The following SH3RF3 variants were observed in gnomAD, a reference collection of about 807,000 sequenced individuals.
The protein encoded by SH3RF3 is SH3 domain containing ring finger 3.
A neutral mutation model predicts 66.3 loss-of-function variants in SH3RF3; 29 were observed. The ratio of observed to expected loss-of-function variants is 0.44; its 90% CI spans 0.33 to 0.60. The LOEUF (loss-of-function observed/expected upper bound fraction) is 0.60, where lower values mean the gene tolerates loss of function less well. Among genes scored for constraint, SH3RF3 ranks in the 20% least tolerant of loss-of-function variants. The pLI is 0.04. For missense variants in SH3RF3, 1,194 were observed against 1,190.9 expected (o/e 1.00, Z -0.04); for synonymous variants, 583 against 532.0 (o/e 1.10, Z -1.32).
chr2:109,248,365 A>G (rs1453280838), intron 1 of SH3RF3, among the ~76,000 whole-genome samples: 1 of 152,048 alleles, frequency 6.6e-6, no homozygotes, highest in Admixed American at 6.5e-5. Flanking sequence ...TGAAAGTTTT[A>G]TGGTTTTGCC....
chr2:109,391,692 C>T (rs1370715837), intron 3 of SH3RF3, among the ~76,000 whole-genome samples: 3 of 152,178 alleles, frequency 2.0e-5, no homozygotes, highest in Non-Finnish European at 4.4e-5. Context: ...TGGCATTGTC[C>T]ACAGGCCTCT....
At chr2:109,206,583 A>T (rs914825937) in intron 1 of SH3RF3, among the ~76,000 whole-genome samples, 2 of 142,188 alleles carry the variant, frequency 1.4e-5, no homozygotes, top group African/African-American at 5.2e-5. Flanking sequence ...TCAAGGAGGG[A>T]GGATAGCTTG....
chr2:109,162,712 C>A (rs528166667), intron 1 of SH3RF3, among the ~76,000 whole-genome samples: 16 of 152,340 alleles, frequency 1.1e-4, no homozygotes, highest in Middle Eastern at 3.4e-3. Flanking sequence ...TTTATAGCTG[C>A]ATGATTTATA....
intron 9 of SH3RF3, among the ~76,000 whole-genome samples, chr2:109,500,117 T>G (rs1679352701): frequency 6.6e-6 from 1 of 152,184 alleles, no homozygotes. Context: ...TCGATTCTTT[T>G]GGCTGCCGTG....
intron 1 of SH3RF3, among the ~76,000 whole-genome samples, chr2:109,154,804 C>T (rs1677300390): frequency 6.6e-6 from 1 of 152,164 alleles, no homozygotes; most frequent in South Asian, 2.1e-4. Flanking sequence ...GTGACACCAA[C>T]CTGCTGCATA....
intron 3 of SH3RF3, among the ~76,000 whole-genome samples, chr2:109,381,080 G>A (rs1174186117): frequency 6.6e-6 from 1 of 152,208 alleles, no homozygotes; most frequent in African/African-American, 2.4e-5. Flanking sequence ...TCTACCAAGT[G>A]GTCTACCACT....
At chr2:109,489,547 A>G (rs1338926403) in intron 8 of SH3RF3, among the ~76,000 whole-genome samples, 1 of 152,214 alleles carries the variant, frequency 6.6e-6, no homozygotes, top group Non-Finnish European at 1.5e-5. Context: ...CTCTACACAG[A>G]CAATGACGTT....
Position 109,443,986 on chromosome 2 carries a change from T to C in SH3RF3, c.1829-5184T>C, listed in dbSNP as rs371016409. Among the ~76,000 whole-genome samples the C allele has an allele frequency of 1.6e-3, 237 of 152,336 alleles. 1 individual carries two copies. The highest frequency in any genetic ancestry group is 5.6e-3 in the African/African-American group (232 of 41,584). Reference sequence around the variant, plus strand: ...ACATTTACTGAGATAGATTATGTACTGGGCCATGATATTTTTAAGTTTCAG... The same window carrying C: ...ACATTTACTGAGATAGATTATGTACCGGGCCATGATATTTTTAAGTTTCAG... On this transcript the variant is annotated intron_variant, in intron 7 of 9. Coordinates refer to ENST00000309415, the MANE Select transcript of SH3RF3 (RefSeq NM_001099289.3).
chr2:109,339,285 G>A (rs1381942364), intron 1 of SH3RF3, among the ~76,000 whole-genome samples: 1 of 151,960 alleles, frequency 6.6e-6, no homozygotes, highest in Non-Finnish European at 1.5e-5. Context: ...TTTTTTGGGG[G>A]GGTGGGGGGT....
At chr2:109,383,131 G>A (rs938169519) in intron 3 of SH3RF3, among the ~76,000 whole-genome samples, 2 of 152,268 alleles carry the variant, frequency 1.3e-5, no homozygotes, top group African/African-American at 2.4e-5. Context: ...GACCTTGTGA[G>A]TGCTTGCAGC....
At chr2:109,212,828 G>T (rs1021824218) in intron 1 of SH3RF3, among the ~76,000 whole-genome samples, 1 of 152,194 alleles carries the variant, frequency 6.6e-6, no homozygotes, top group African/African-American at 2.4e-5. Flanking sequence ...CTGGTGAGCT[G>T]GTGTGGGGTA....
chr2:109,223,526 G>A (rs1275770417), intron 1 of SH3RF3, among the ~76,000 whole-genome samples: 2 of 152,234 alleles, frequency 1.3e-5, no homozygotes, highest in African/African-American at 2.4e-5. Context: ...CAGAATGGAA[G>A]CGTAGGAAGG....
chr2:109,393,587 C>T (rs907489168), intron 3 of SH3RF3, among the ~76,000 whole-genome samples: 24 of 152,138 alleles, frequency 1.6e-4, no homozygotes, highest in African/African-American at 5.8e-4. Context: ...CATGTGTTGC[C>T]TTCTTGTTAA....
At chr2:109,184,089 C>T (rs773701059) in intron 1 of SH3RF3, among the ~76,000 whole-genome samples, 1 of 152,154 alleles carries the variant, frequency 6.6e-6, no homozygotes, top group Non-Finnish European at 1.5e-5. Context: ...GGTGTTGAGC[C>T]CATGTGGTGG....
At chr2:109,173,296 G>GC (rs1677831424) in intron 1 of SH3RF3, among the ~76,000 whole-genome samples, 3 of 152,176 alleles carry the variant, frequency 2.0e-5, no homozygotes, top group Admixed American at 2.0e-4. Flanking sequence ...TCCTGAGCCT[G>GC]CACTTGCGTT....
At chr2:109,133,720 CA>C (rs1363796900) in intron 1 of SH3RF3, among the ~76,000 whole-genome samples, 6 of 111,252 alleles carry the variant, frequency 5.4e-5, no homozygotes, top group Admixed American at 2.0e-4. Flanking sequence ...TCCCAAGGGA[CA>C]ATTTTTTTTT....
At chr2:109,499,708 G>T (rs1679340448) in intron 9 of SH3RF3, among the ~76,000 whole-genome samples, 1 of 152,204 alleles carries the variant, frequency 6.6e-6, no homozygotes. Context: ...TTTCAGCCTT[G>T]TTCCTCCTCC....
At chr2:109,476,861 G>T (rs976756742) in intron 8 of SH3RF3, among the ~76,000 whole-genome samples, 1 of 152,192 alleles carries the variant, frequency 6.6e-6, no homozygotes, top group Non-Finnish European at 1.5e-5. Context: ...ACCATATCGG[G>T]TAACTTCCTG....
At chr2:109,381,034 G>A (rs990018761) in intron 3 of SH3RF3, among the ~76,000 whole-genome samples, 1 of 152,248 alleles carries the variant, frequency 6.6e-6, no homozygotes, top group African/African-American at 2.4e-5. Context: ...CAGTAGTTGT[G>A]AAATTGTGTG....
Sources: gnomAD v4.1 joint callset for allele counts (sites outside exome capture counted in the v4.1 genomes callset) on GRCh38, gnomAD v4.1.1 for gene constraint, MANE v1.5 for transcripts, NCBI Gene and HGNC (gene_info 2026-07-23, HGNC 2026-07-21) for gene names.